HS3ST5: variants seen among roughly 807,000 people sequenced by gnomAD.
HS3ST5 encodes heparan sulfate glucosamine 3-O-sulfotransferase 5.
A neutral mutation model predicts 25.4 loss-of-function variants in HS3ST5; 10 were observed. The ratio of observed to expected loss-of-function variants is 0.39; its 90% CI spans 0.24 to 0.67. HS3ST5 has a LOEUF of 0.67. Ranked by LOEUF, HS3ST5 falls within the 30% of genes least tolerant of loss-of-function variation. The pLI is 0.44. For missense variants in HS3ST5, 324 were observed against 420.7 expected (o/e 0.77, Z 2.01); for synonymous variants, 170 against 162.4 (o/e 1.05, Z -0.36).
intron 3 of HS3ST5, among the ~76,000 whole-genome samples, chr6:114,071,467 C>G (rs1009819641): frequency 6.6e-6 from 1 of 152,178 alleles, no homozygotes; most frequent in African/African-American, 2.4e-5. Flanking sequence ...CTACTTAATT[C>G]TATTTAAGCC....
At chr6:114,226,954 T>C (rs561786048) in intron 2 of HS3ST5, among the ~76,000 whole-genome samples, 4 of 151,946 alleles carry the variant, frequency 2.6e-5, no homozygotes, top group African/African-American at 9.7e-5. Flanking sequence ...ATATTGCAGA[T>C]GATTTACACT....
rs146526081 is a variant in HS3ST5, at chr6:114,304,300, C to T, written c.-339+37895G>A. On this transcript the variant is annotated intron_variant, in intron 1 of 4. Coordinates refer to ENST00000312719, the MANE Select transcript of HS3ST5 (RefSeq NM_153612.4). ...TGTTGACATCATTTTCTCAAGCATA[C>T]TAGGCACAAACACAATTATGAATGT... 1.2e-3 allele frequency among the ~76,000 whole-genome samples: 175 copies of T among 152,136 alleles called. 1 individual carries two copies. The highest frequency in any genetic ancestry group is 2.3e-3 in the South Asian group (11 of 4,828).
chr6:114,105,423 T>C (rs994123130), intron 3 of HS3ST5, among the ~76,000 whole-genome samples: 1 of 152,200 alleles, frequency 6.6e-6, no homozygotes, highest in Non-Finnish European at 1.5e-5. Context: ...TTTTATATGA[T>C]TGGCAGGATA....
chr6:114,153,110 T>C (rs1708460549), intron 3 of HS3ST5, among the ~76,000 whole-genome samples: 1 of 152,190 alleles, frequency 6.6e-6, no homozygotes, highest in African/African-American at 2.4e-5. Flanking sequence ...ACTTGTTCAC[T>C]GAAACACCCT....
At chr6:114,252,117 C>T (rs1470486026) in intron 1 of HS3ST5, among the ~76,000 whole-genome samples, 3 of 151,390 alleles carry the variant, frequency 2.0e-5, no homozygotes, top group Admixed American at 6.6e-5. Flanking sequence ...GTCTTATTTC[C>T]TCTATCTTTT....
chr6:114,082,144 A>T (rs1232465851), intron 3 of HS3ST5, among the ~76,000 whole-genome samples: 1 of 152,180 alleles, frequency 6.6e-6, no homozygotes. Flanking sequence ...GCAAACAAAA[A>T]TTGTGACGTT....
chr6:114,317,300 A>G (rs929311249), intron 1 of HS3ST5, among the ~76,000 whole-genome samples: 4 of 152,142 alleles, frequency 2.6e-5, no homozygotes, highest in African/African-American at 9.7e-5. Flanking sequence ...TCACATTCTC[A>G]TGTAGAAGTG....
intron 3 of HS3ST5, among the ~76,000 whole-genome samples, chr6:114,118,966 G>A (rs532400174): frequency 1.0e-3 from 158 of 152,312 alleles, no homozygotes; most frequent in African/African-American, 3.2e-3. Context: ...GAGTACCCAA[G>A]CCATGATGGA....
chr6:114,070,743 T>C (rs1375743830), intron 3 of HS3ST5, among the ~76,000 whole-genome samples: 1 of 151,248 alleles, frequency 6.6e-6, no homozygotes, highest in Non-Finnish European at 1.5e-5. Flanking sequence ...GCCAAAAACC[T>C]TGGAAGTTGT....
intron 1 of HS3ST5, among the ~76,000 whole-genome samples, chr6:114,233,555 C>T (rs1211851427): frequency 6.6e-6 from 1 of 152,096 alleles, no homozygotes; most frequent in Admixed American, 6.5e-5. Context: ...TTCTACATGA[C>T]AAGAAAAACC....
At chr6:114,075,502 G>T (rs1450781758) in intron 3 of HS3ST5, among the ~76,000 whole-genome samples, 1 of 152,232 alleles carries the variant, frequency 6.6e-6, no homozygotes, top group African/African-American at 2.4e-5. Context: ...AACTACTTGT[G>T]GTGAGACATG....
intron 1 of HS3ST5, among the ~76,000 whole-genome samples, chr6:114,318,575 C>G (rs1361153365): frequency 6.6e-6 from 1 of 152,150 alleles, no homozygotes; most frequent in Non-Finnish European, 1.5e-5. Flanking sequence ...AATCTGTTCT[C>G]TTAAATTGCT....
intron 1 of HS3ST5, among the ~76,000 whole-genome samples, chr6:114,333,638 T>C (rs1054601648): frequency 3.3e-5 from 5 of 152,082 alleles, no homozygotes; most frequent in African/African-American, 7.2e-5. Flanking sequence ...ATGGCTAATA[T>C]ATATATTTTT....
intron 2 of HS3ST5, among the ~76,000 whole-genome samples, chr6:114,221,428 C>T (rs1782033643): frequency 6.6e-6 from 1 of 151,378 alleles, no homozygotes; most frequent in Non-Finnish European, 1.5e-5. Flanking sequence ...AATGACATAC[C>T]TTCAAAATCA....
At chr6:114,312,396 G>A (rs1775568040) in intron 1 of HS3ST5, among the ~76,000 whole-genome samples, 1 of 152,058 alleles carries the variant, frequency 6.6e-6, no homozygotes, top group Non-Finnish European at 1.5e-5. Context: ...AAATAGAAAT[G>A]TAAAATACTT....
At chr6:114,138,738 A>G (rs1176797192) in intron 3 of HS3ST5, among the ~76,000 whole-genome samples, 2 of 152,232 alleles carry the variant, frequency 1.3e-5, no homozygotes, top group African/African-American at 4.8e-5. Flanking sequence ...GAATTCCACC[A>G]AAGATAGTAA....
At chr6:114,161,575 A>ATATATATAT (rs60732374) in intron 3 of HS3ST5, among the ~76,000 whole-genome samples, 243 of 107,742 alleles carry the variant, frequency 2.3e-3, no homozygotes, top group Non-Finnish European at 3.0e-3. Flanking sequence ...ATATATATAT[A>ATATATATAT]AAATGCAATG....
intron 1 of HS3ST5, among the ~76,000 whole-genome samples, chr6:114,322,288 T>TAAGTCTG (rs1169259574): frequency 6.6e-6 from 1 of 152,132 alleles, no homozygotes; most frequent in Non-Finnish European, 1.5e-5. Context: ...TCAAAATGAA[T>TAAGTCTG]AAGTCTGTGG....
At chr6:114,076,787 C>G (rs1334899) in intron 3 of HS3ST5, among the ~76,000 whole-genome samples, 6,589 of 152,134 alleles carry the variant, frequency 0.043, 176 homozygotes, top group Middle Eastern at 0.065. Flanking sequence ...GTGTTGTGCA[C>G]GTGTCAAGTC....
Sources: allele counts gnomAD v4.1 joint callset (sites outside exome capture counted in the v4.1 genomes callset), GRCh38; gene constraint gnomAD v4.1.1; transcripts MANE v1.5; gene names NCBI Gene and HGNC (gene_info 2026-07-23, HGNC 2026-07-21).